The following RNF144A variants were observed in gnomAD, a reference collection of about 807,000 sequenced individuals.
The protein encoded by RNF144A is ring finger protein 144A, also known as E3 ubiquitin-protein ligase RNF144A.
Under a neutral mutation model 38.7 loss-of-function variants are expected in RNF144A, and 11 were observed. The ratio of observed to expected loss-of-function variants is 0.28; its 90% CI spans 0.18 to 0.47. RNF144A has a LOEUF of 0.47. Among genes scored for constraint, RNF144A ranks in the 20% least tolerant of loss-of-function variants. The pLI is 0.99. For synonymous variants in RNF144A, 149 were observed against 143.9 expected, an observed-to-expected ratio of 1.04 and a Z score of -0.25; for missense variants, 316 against 377.2, an observed-to-expected ratio of 0.84 and a Z score of 1.34.
In RNF144A at chr2:6,998,972, T is replaced by G. The variant is rs183348197; in HGVS notation, c.135+1911T>G. Among the ~76,000 whole-genome samples the G allele has an allele frequency of 7.7e-4, 117 of 152,360 alleles. 1 individual carries two copies. Among genetic ancestry groups the G allele is most frequent in the African/African-American group, 2.7e-3 (113 of 41,588 alleles). ...GAGGCCATAGCTTGTGTTCTTACCC[T>G]TGAAATAGTTCATTCTCCCTGGCTT... On this transcript the variant is annotated intron_variant, in intron 3 of 8. Coordinates refer to ENST00000320892, the MANE Select transcript of RNF144A (RefSeq NM_014746.6).
At position 7,043,579 on chromosome 2, in the gene RNF144A, G is replaced by C; in HGVS notation, c.*3819G>C. The C allele has an allele frequency of 5.1e-6, 5 of 985,594 alleles. No individual in the cohort carries two copies. The highest frequency in any genetic ancestry group is 6.0e-6 in the Non-Finnish European group (5 of 829,760). The allele number at this position is 985,594 out of a possible 1,614,324, so 61.1% of individuals were successfully genotyped here. A position where few individuals can be genotyped will look rare whatever the true frequency, so the allele number is the denominator to read the frequency against. On this transcript the variant is annotated 3_prime_UTR_variant, in exon 9 of 9. Coordinates refer to ENST00000320892, the MANE Select transcript of RNF144A (RefSeq NM_014746.6). ...TGTTTATTTCTGATAATTAACCTAA[G>C]CCCTTATGAAAATAAACAAAATGAA...
intron 8 of RNF144A, among the ~76,000 whole-genome samples, chr2:7,037,144 TC>T (rs567054216): frequency 3.7e-4 from 57 of 152,318 alleles, no homozygotes; most frequent in Admixed American, 3.7e-3. Flanking sequence ...ACACAGTGGT[TC>T]TTTTTGCTTT....
intron 6 of RNF144A, among the ~76,000 whole-genome samples, chr2:7,055,300 T>C (rs309283): frequency 0.59 from 89,995 of 152,112 alleles, 27,089 homozygotes; most frequent in South Asian, 0.89. Flanking sequence ...GAGCTGCAGT[T>C]TCACACACTG....
intron 5 of RNF144A, among the ~76,000 whole-genome samples, chr2:7,019,980 T>C (rs1263897067): frequency 1.3e-5 from 2 of 152,162 alleles, no homozygotes; most frequent in Non-Finnish European, 2.9e-5. Flanking sequence ...CCTTCCCTCT[T>C]CCTCTCGGTC....
At chr2:7,023,988 C>A (rs1046017074) in intron 6 of RNF144A, among the ~76,000 whole-genome samples, 4 of 152,164 alleles carry the variant, frequency 2.6e-5, no homozygotes, top group African/African-American at 4.8e-5. Context: ...TATATCAACC[C>A]TTTGGAAAGT....
At chr2:6,997,083 A>T (rs781461651) in intron 3 of RNF144A, 22 bp downstream of exon 3, 1 of 1,612,054 alleles carries the variant, frequency 6.2e-7, no homozygotes, top group East Asian at 2.2e-5. Flanking sequence ...TGGATAAAAT[A>T]TATGTTACAG....
At chr2:6,946,945 G>A (rs545579375) in intron 2 of RNF144A, among the ~76,000 whole-genome samples, 113 of 152,226 alleles carry the variant, frequency 7.4e-4, no homozygotes, top group African/African-American at 2.5e-3. Context: ...TGCTGATTAA[G>A]TTGTCAGCTG....
At chr2:7,018,457 G>A (rs966540003) in intron 5 of RNF144A, among the ~76,000 whole-genome samples, 25 of 152,132 alleles carry the variant, frequency 1.6e-4, no homozygotes, top group Non-Finnish European at 3.7e-4. Context: ...CATGACCCAG[G>A]CCAGCTGCCT....
chr2:7,005,215 C>T (rs1343121990), intron 3 of RNF144A, among the ~76,000 whole-genome samples: 1 of 152,128 alleles, frequency 6.6e-6, no homozygotes, highest in African/African-American at 2.4e-5. Context: ...ACATGAAAGC[C>T]TAGTATATGC....
At chr2:7,018,844 C>T (rs935628384) in intron 5 of RNF144A, among the ~76,000 whole-genome samples, 4 of 151,934 alleles carry the variant, frequency 2.6e-5, no homozygotes, top group African/African-American at 9.7e-5. Context: ...AATCTTCTGC[C>T]ACCCCTAACA....
At chr2:6,994,726 CAA>C in intron 2 of RNF144A, among the ~76,000 whole-genome samples, 1 of 152,314 alleles carries the variant, frequency 6.6e-6, no homozygotes, top group South Asian at 2.1e-4. Flanking sequence ...GAATTTGTGT[CAA>C]AGAGTCCTTT....
At chr2:7,002,991 G>A (rs115957592) in intron 3 of RNF144A, among the ~76,000 whole-genome samples, 1 of 151,648 alleles carries the variant, frequency 6.6e-6, no homozygotes. Context: ...AACAAAAAAA[G>A]TTTAAAAAAA....
At position 7,039,998 on chromosome 2, in the gene RNF144A, T is replaced by G; in HGVS notation, c.*238T>G. ...GCGCACATCCCCACAGATCAATCTC[T>G]GCAGATGACAGGGAGGTGCTGTGAG... On this transcript the variant is annotated 3_prime_UTR_variant, in exon 9 of 9. Transcript: ENST00000320892. The G allele has an allele frequency of 7.8e-7, 1 of 1,280,754 alleles. No homozygotes were observed. 79.3% of individuals were successfully genotyped at this position (1,280,754 alleles called of 1,614,324 possible).
intron 3 of RNF144A, among the ~76,000 whole-genome samples, chr2:7,002,133 C>G (rs1670147920): frequency 6.6e-6 from 1 of 152,196 alleles, no homozygotes; most frequent in African/African-American, 2.4e-5. Flanking sequence ...CATTTCCTCA[C>G]CTAGAAATTA....
intron 6 of RNF144A, among the ~76,000 whole-genome samples, chr2:7,023,221 C>T (rs549930215): frequency 1.2e-3 from 182 of 152,302 alleles, no homozygotes; most frequent in Middle Eastern, 3.4e-3. Flanking sequence ...TACTAATGGA[C>T]CAAACAGTCA....
At chr2:7,068,397 C>A, downstream of RNF144A, 1 of 483,312 alleles carries the variant, frequency 2.1e-6, no homozygotes, top group Non-Finnish European at 3.7e-6. Flanking sequence ...GGCTTTTGGG[C>A]ATTATAGAAG....
intron 2 of RNF144A, among the ~76,000 whole-genome samples, chr2:6,959,867 G>A (rs1667231232): frequency 6.6e-6 from 1 of 152,172 alleles, no homozygotes; most frequent in Non-Finnish European, 1.5e-5. Context: ...CCATAGCACT[G>A]GAGCAGCAAG....
At position 7,040,972 on chromosome 2, in the gene RNF144A, G is replaced by A. The variant is rs923486235; in HGVS notation, c.*1212G>A. 2.0e-6 allele frequency: 2 copies of A among 985,352 alleles called. No homozygotes were observed. Among genetic ancestry groups the A allele is most frequent in the Middle Eastern group, 5.2e-4 (1 of 1,914 alleles). The allele number at this position is 985,352 out of a possible 1,614,324, so 61.0% of individuals were successfully genotyped here. Reference sequence around the variant, plus strand: ...TCTGTGACCATTTCCATGGCAGCAGGATGCAGGGATTAATAAGGACACATA... The same window carrying A: ...TCTGTGACCATTTCCATGGCAGCAGAATGCAGGGATTAATAAGGACACATA... On this transcript the variant is annotated 3_prime_UTR_variant, in exon 9 of 9. Coordinates refer to ENST00000320892, the MANE Select transcript of RNF144A (RefSeq NM_014746.6).
At position 7,041,594 on chromosome 2, in the gene RNF144A, G is replaced by GAA. The variant is rs1356943829; in HGVS notation, c.*1834_*1835insAA. On this transcript the variant is annotated 3_prime_UTR_variant, in exon 9 of 9. Coordinates refer to ENST00000320892, the MANE Select transcript of RNF144A (RefSeq NM_014746.6). The stretch of plus-strand genomic sequence containing the variant: ...GTTAGAATAGCTTTTCTGGAGGTGG[G>GAA]TGGCAACTCCACGCGGGAGTCATTG... 1.8e-5 allele frequency: 18 copies of GAA among 985,820 alleles called. No homozygotes were observed. In the African/African-American group the frequency reaches 2.8e-4, roughly 15 times the overall value. 61.1% of individuals were successfully genotyped at this position (985,820 alleles called of 1,614,324 possible).
Sources: gnomAD v4.1 joint callset for allele counts (sites outside exome capture counted in the v4.1 genomes callset) on GRCh38, gnomAD v4.1.1 for gene constraint, MANE v1.5 for transcripts, NCBI Gene and HGNC (gene_info 2026-07-23, HGNC 2026-07-21) for gene names.